The following PDE7B variants were observed in gnomAD, a reference collection of about 807,000 sequenced individuals.
The protein encoded by PDE7B is 3',5'-cyclic-AMP phosphodiesterase 7B.
Under a neutral mutation model 56.2 loss-of-function variants are expected in PDE7B, and 29 were observed. The ratio of observed to expected loss-of-function variants is 0.52; its 90% CI spans 0.38 to 0.70. The LOEUF (loss-of-function observed/expected upper bound fraction) is 0.70. Among genes scored for constraint, PDE7B ranks in the 30% least tolerant of loss-of-function variants. The pLI, the probability that PDE7B is intolerant of heterozygous loss-of-function variation, is 0.00. For missense variants in PDE7B, 490 were observed against 565.0 expected, an observed-to-expected ratio of 0.87 and a Z score of 1.35; for synonymous variants, 197 against 196.9, an observed-to-expected ratio of 1.00 and a Z score of 0.00.
At chr6:136,180,711 T>G (rs971014984) in intron 10 of PDE7B, among the ~76,000 whole-genome samples, 1 of 152,232 alleles carries the variant, frequency 6.6e-6, no homozygotes, top group South Asian at 2.1e-4. Flanking sequence ...AAGGCCCTAA[T>G]TTAGCTGTGC....
chr6:136,021,849 T>G (rs1455778751), intron 2 of PDE7B, among the ~76,000 whole-genome samples: 4 of 152,206 alleles, frequency 2.6e-5, no homozygotes, highest in Non-Finnish European at 5.9e-5. Flanking sequence ...CACATCACTC[T>G]TCTTCTGAAA....
chr6:135,853,396 C>T lies in PDE7B; in HGVS notation c.21+1377C>T, dbSNP rs146130752. On this transcript the variant is annotated intron_variant, in intron 1 of 12. Transcript: ENST00000308191. ...TGAATGGACAATTGCTTTTCTGCAG[C>T]GCCTAGTGGGAAAACAAGGACTTTG... Among the ~76,000 whole-genome samples, 8 of 152,312 alleles carry T rather than the reference C, an allele frequency of 5.3e-5. No individual in the cohort carries two copies. The South Asian group carries it at 8.3e-4, about 16-fold the overall frequency.
chr6:136,105,736 C>T (rs1386862789), intron 2 of PDE7B, among the ~76,000 whole-genome samples: 3 of 152,188 alleles, frequency 2.0e-5, no homozygotes, highest in African/African-American at 4.8e-5. Flanking sequence ...GCAAAATGTT[C>T]GTCCTGTCAG....
intron 2 of PDE7B, among the ~76,000 whole-genome samples, chr6:136,079,857 T>C (rs1777179547): frequency 6.6e-6 from 1 of 152,144 alleles, no homozygotes; most frequent in African/African-American, 2.4e-5. Context: ...TGACAGCTCT[T>C]GCTCACTGAG....
intron 1 of PDE7B, among the ~76,000 whole-genome samples, chr6:135,855,157 C>T (rs1292272060): frequency 6.6e-6 from 1 of 152,186 alleles, no homozygotes; most frequent in African/African-American, 2.4e-5. Flanking sequence ...TGGGTTATCT[C>T]TAACATCCAT....
intron 2 of PDE7B, among the ~76,000 whole-genome samples, chr6:136,045,723 G>C (rs1776491036): frequency 6.6e-6 from 1 of 152,074 alleles, no homozygotes. Context: ...AATTTCAAGA[G>C]AGACCGAGTC....
intron 1 of PDE7B, among the ~76,000 whole-genome samples, chr6:135,873,626 T>C (rs538585941): frequency 9.9e-5 from 15 of 152,278 alleles, no homozygotes; most frequent in African/African-American, 3.6e-4. Context: ...GCATTGTTTT[T>C]ATCTTCATTG....
At chr6:136,011,545 A>G (rs1272618601) in intron 2 of PDE7B, among the ~76,000 whole-genome samples, 2 of 152,224 alleles carry the variant, frequency 1.3e-5, no homozygotes, top group Admixed American at 1.3e-4. Context: ...ATTGCAATAT[A>G]CTTGTGTCCA....
At chr6:136,079,726 C>CA (rs35447604) in intron 2 of PDE7B, among the ~76,000 whole-genome samples, 2,286 of 94,336 alleles carry the variant, frequency 0.024, 49 homozygotes, top group African/African-American at 0.065. Flanking sequence ...ATTAGGAAGA[C>CA]AAAAAAAAAA....
At chr6:136,051,798 T>C (rs750789219) in intron 2 of PDE7B, among the ~76,000 whole-genome samples, 9 of 152,190 alleles carry the variant, frequency 5.9e-5, no homozygotes, top group Non-Finnish European at 8.8e-5. Flanking sequence ...CATTCTTCAT[T>C]ATTTCCACCT....
chr6:136,184,280 T>C (rs1362270055), intron 11 of PDE7B, among the ~76,000 whole-genome samples: 2 of 152,108 alleles, frequency 1.3e-5, no homozygotes, highest in African/African-American at 4.8e-5. Context: ...CATAAACGTG[T>C]TGAATAAGTG....
intron 1 of PDE7B, among the ~76,000 whole-genome samples, chr6:135,926,773 T>A (rs746345095): frequency 4.6e-5 from 7 of 152,130 alleles, no homozygotes; most frequent in African/African-American, 7.2e-5. Context: ...CAAACCAATC[T>A]AACGACTTCT....
chr6:136,156,714 T>C (rs1778611176), intron 8 of PDE7B, among the ~76,000 whole-genome samples: 1 of 152,218 alleles, frequency 6.6e-6, no homozygotes, highest in South Asian at 2.1e-4. Flanking sequence ...CAGTGTCCTA[T>C]AGCTGGCTAG....
intron 11 of PDE7B, among the ~76,000 whole-genome samples, chr6:136,186,551 G>C (rs1779148407): frequency 6.6e-6 from 1 of 152,154 alleles, no homozygotes; most frequent in Non-Finnish European, 1.5e-5. Context: ...AGAGTGAGGT[G>C]CTACTCAGAT....
At chr6:135,961,223 G>T (rs1329813011) in intron 2 of PDE7B, among the ~76,000 whole-genome samples, 1 of 150,710 alleles carries the variant, frequency 6.6e-6, no homozygotes, top group African/African-American at 2.4e-5. Flanking sequence ...ACCTATAATT[G>T]CAAATTGCAA....
intron 2 of PDE7B, chr6:136,037,507 C>T: frequency 4.1e-6 from 4 of 985,450 alleles, no homozygotes; most frequent in Non-Finnish European, 4.8e-6. Context: ...CAACCAAGCC[C>T]ATCCCAGCAC....
chr6:135,928,437 A>ATATATATTTATT (rs1774227419), intron 1 of PDE7B, among the ~76,000 whole-genome samples: 1 of 112,914 alleles, frequency 8.9e-6, no homozygotes, highest in Non-Finnish European at 1.8e-5. Context: ...GATTATATAT[A>ATATATATTTATT]TATATATATA....
intron 1 of PDE7B, among the ~76,000 whole-genome samples, chr6:135,911,196 C>T (rs895839867): frequency 1.3e-5 from 2 of 152,204 alleles, no homozygotes; most frequent in Admixed American, 6.5e-5. Flanking sequence ...AACTCATAAG[C>T]TGTCCCTATG....
chr6:135,862,915 C>T (rs918498420), intron 1 of PDE7B, among the ~76,000 whole-genome samples: 1 of 151,734 alleles, frequency 6.6e-6, no homozygotes, highest in Admixed American at 6.6e-5. Context: ...ATTTGTTTTT[C>T]ACCTGTGAAT....
Sources: allele counts gnomAD v4.1 joint callset (sites outside exome capture counted in the v4.1 genomes callset), GRCh38; gene constraint gnomAD v4.1.1; transcripts MANE v1.5; gene names NCBI Gene and HGNC (gene_info 2026-07-23, HGNC 2026-07-21).